The following PPP4R4 variants were observed in gnomAD, a reference collection of about 807,000 sequenced individuals.
PPP4R4 encodes the protein serine/threonine-protein phosphatase 4 regulatory subunit 4.
PPP4R4 carries 70 observed loss-of-function variants against 121.8 expected under a neutral mutation model. That is an observed-to-expected ratio of 0.57 (90% confidence interval 0.47 to 0.70). The LOEUF (loss-of-function observed/expected upper bound fraction) is 0.70. Ranked by LOEUF, PPP4R4 falls within the 30% of genes least tolerant of loss-of-function variation. The pLI is 0.00. For synonymous variants in PPP4R4, 348 were observed against 355.7 expected, an observed-to-expected ratio of 0.98 and a Z score of 0.24; for missense variants, 875 against 1,033.6, an observed-to-expected ratio of 0.85 and a Z score of 2.10.
At position 94,208,194 on chromosome 14, in the gene PPP4R4, T is replaced by C. The variant is rs7148129; in HGVS notation, c.192-270T>C. 3.1e-3 allele frequency among the ~76,000 whole-genome samples: 468 copies of C among 152,164 alleles called. 5 individuals are homozygous for C. The highest frequency in any genetic ancestry group is 0.011 in the African/African-American group (439 of 41,552). ...GTATTTAATAATAGTCTCGAAACTT[T>C]TAGACTTAAGACATATAAAACAATA... is the stretch of plus-strand genomic sequence containing the variant. On this transcript the variant is annotated intron_variant, in intron 2 of 24. Coordinates refer to ENST00000304338, the MANE Select transcript of PPP4R4 (RefSeq NM_058237.2).
At chr14:94,259,254 C>T (rs1489708512) in intron 18 of PPP4R4, 41 bp from the exon 19 acceptor site, 1 of 1,573,754 alleles carries the variant, frequency 6.4e-7, no homozygotes, top group Non-Finnish European at 8.6e-7. Flanking sequence ...GGCAGAAACT[C>T]ATCACTAATG....
In PPP4R4 at chr14:94,262,599, T is replaced by C. The variant is rs113265965; in HGVS notation, c.2128-2279T>C. ...AGTTGTCATATGAATTATATCTGCA[T>C]TGAAGACCCCACCAGTGTTGTAATT... On this transcript the variant is annotated intron_variant, in intron 19 of 24. Coordinates refer to ENST00000304338, the MANE Select transcript of PPP4R4 (RefSeq NM_058237.2). 8.0e-3 allele frequency among the ~76,000 whole-genome samples: 1,221 copies of C among 152,130 alleles called. 16 individuals are homozygous for C. Among genetic ancestry groups the C allele is most frequent in the African/African-American group, 0.028 (1,151 of 41,562 alleles).
chr14:94,233,782 C>T (rs373084968), intron 6 of PPP4R4, 23 bp downstream of exon 6: 221 of 1,448,204 alleles, frequency 1.5e-4, no homozygotes, highest in Middle Eastern at 3.5e-4. Flanking sequence ...ATGTAATTTT[C>T]GGTCTACTTT....
chr14:94,259,458 A>G, intron 19 of PPP4R4, 89 bp downstream of exon 19: 1 of 1,365,498 alleles, frequency 7.3e-7, no homozygotes, highest in African/African-American at 1.5e-5. Flanking sequence ...TTTCCATTTC[A>G]CCATTTCACA....
intron 2 of PPP4R4, among the ~76,000 whole-genome samples, chr14:94,199,415 G>A (rs1198165568): frequency 6.6e-6 from 1 of 152,132 alleles, no homozygotes; most frequent in Admixed American, 6.5e-5. Flanking sequence ...TAGAGCTCCC[G>A]AAGTCCCAGT....
chr14:94,211,197 G>T (rs1274307453), intron 3 of PPP4R4, among the ~76,000 whole-genome samples: 2 of 152,202 alleles, frequency 1.3e-5, no homozygotes, highest in African/African-American at 4.8e-5. Context: ...TGGGGGACTT[G>T]CCCTCAAGGA....
intron 24 of PPP4R4, among the ~76,000 whole-genome samples, chr14:94,278,397 T>C (rs749179105): frequency 6.6e-6 from 1 of 152,214 alleles, no homozygotes. Flanking sequence ...GAATTTTTGG[T>C]AATTAAAGAT....
intron 3 of PPP4R4, among the ~76,000 whole-genome samples, chr14:94,215,987 A>G (rs750489048): frequency 4.6e-5 from 7 of 152,344 alleles, no homozygotes; most frequent in Non-Finnish European, 7.4e-5. Context: ...ATTGCCTTTC[A>G]GTAAATTCCT....
chr14:94,223,738 G>A (rs1566669527), intron 3 of PPP4R4, among the ~76,000 whole-genome samples: 1 of 152,190 alleles, frequency 6.6e-6, no homozygotes, highest in Non-Finnish European at 1.5e-5. Context: ...GTTGATTAGA[G>A]TTACCTAGTC....
chr14:94,198,254 T>G (rs1889988803), intron 2 of PPP4R4, among the ~76,000 whole-genome samples: 1 of 152,218 alleles, frequency 6.6e-6, no homozygotes, highest in Non-Finnish European at 1.5e-5. Context: ...GATATCTCAT[T>G]GTGGTTGTAA....
intron 24 of PPP4R4, 63 bp from the exon 25 acceptor site, chr14:94,278,556 C>T: frequency 4.4e-6 from 5 of 1,135,936 alleles, no homozygotes; most frequent in Admixed American, 4.5e-5. Flanking sequence ...TTTTCTTTTT[C>T]TCCCTTTCTC....
At chr14:94,175,647 G>A (rs1888641110) in intron 1 of PPP4R4, 1 of 180,170 alleles carries the variant, frequency 5.6e-6, no homozygotes, top group Admixed American at 5.7e-5. Flanking sequence ...CTCGGCTGCA[G>A]TCTTCATCCA....
intron 2 of PPP4R4, among the ~76,000 whole-genome samples, chr14:94,203,049 AGAAATACCCAT>A (rs1272274045): frequency 6.6e-6 from 1 of 152,226 alleles, no homozygotes; most frequent in Non-Finnish European, 1.5e-5. Flanking sequence ...GAAATAATAC[AGAAATACCCAT>A]GTTCTCTTTA....
intron 2 of PPP4R4, among the ~76,000 whole-genome samples, chr14:94,205,149 G>A (rs1217411430): frequency 6.6e-6 from 1 of 152,004 alleles, no homozygotes; most frequent in African/African-American, 2.4e-5. Context: ...TCATTAAATG[G>A]TAGTATTCTC....
intron 2 of PPP4R4, among the ~76,000 whole-genome samples, chr14:94,202,461 C>G (rs1017788643): frequency 2.0e-5 from 3 of 152,134 alleles, no homozygotes; most frequent in Non-Finnish European, 2.9e-5. Context: ...ACATCCCTGC[C>G]TTGTTCCTGA....
Position 94,278,771 on chromosome 14 carries a change from A to T in PPP4R4, c.*128A>T. On this transcript the variant is annotated 3_prime_UTR_variant, in exon 25 of 25. Coordinates refer to ENST00000304338, the MANE Select transcript of PPP4R4 (RefSeq NM_058237.2). ...GTTTTTTTTTTTGTTGTTGTTAATGAGCAGAAAGAGAGACATAATGACAGC... is the reference window on the plus strand; with the variant it reads ...GTTTTTTTTTTTGTTGTTGTTAATGTGCAGAAAGAGAGACATAATGACAGC... 1 of 841,826 alleles carries T rather than the reference A, an allele frequency of 1.2e-6. No homozygotes were observed. The allele number at this position is 841,826 out of a possible 1,614,324, so 52.1% of individuals were successfully genotyped here.
chr14:94,228,011 TC>T (rs1315797365), intron 3 of PPP4R4, among the ~76,000 whole-genome samples: 3 of 152,180 alleles, frequency 2.0e-5, no homozygotes, highest in Non-Finnish European at 4.4e-5. Flanking sequence ...ACTTTAACAT[TC>T]TTTCCCTCTT....
intron 1 of PPP4R4, among the ~76,000 whole-genome samples, chr14:94,175,250 A>G (rs1259624765): frequency 3.3e-5 from 5 of 150,608 alleles, no homozygotes; most frequent in Admixed American, 1.3e-4. Flanking sequence ...ACTCTTTCTC[A>G]GTGTCGTCCT....
chr14:94,202,636 G>C (rs1890250857), intron 2 of PPP4R4, among the ~76,000 whole-genome samples: 1 of 152,164 alleles, frequency 6.6e-6, no homozygotes, highest in East Asian at 1.9e-4. Flanking sequence ...CATGCAGTGA[G>C]GTATCCATGT....
Sources: allele counts gnomAD v4.1 joint callset (sites outside exome capture counted in the v4.1 genomes callset), GRCh38; gene constraint gnomAD v4.1.1; transcripts MANE v1.5; gene names NCBI Gene and HGNC (gene_info 2026-07-23, HGNC 2026-07-21).